TBC1D19: variants seen among roughly 807,000 people sequenced by gnomAD.
TBC1D19 encodes the protein TBC1 domain family, member 19.
A neutral mutation model predicts 89.0 loss-of-function variants in TBC1D19; 60 were observed. That is an observed-to-expected ratio of 0.67 (90% confidence interval 0.55 to 0.84). The LOEUF (loss-of-function observed/expected upper bound fraction) is 0.84. TBC1D19 is among the 40% of genes least tolerant of loss of function. The pLI, the probability that TBC1D19 is intolerant of heterozygous loss-of-function variation, is 0.00. For missense variants in TBC1D19, 500 were observed against 610.8 expected (o/e 0.82, Z 1.91); for synonymous variants, 189 against 199.7 (o/e 0.95, Z 0.45).
intron 9 of TBC1D19, among the ~76,000 whole-genome samples, chr4:26,668,835 G>A (rs1237181132): frequency 6.6e-6 from 1 of 151,768 alleles, no homozygotes; most frequent in Admixed American, 6.6e-5. Context: ...TATTTGAAAT[G>A]CACTTCTTAC....
intron 19 of TBC1D19, among the ~76,000 whole-genome samples, chr4:26,748,857 T>A (rs1718791906): frequency 6.6e-6 from 1 of 152,034 alleles, no homozygotes; most frequent in Admixed American, 6.6e-5. Flanking sequence ...GTAGATATAC[T>A]TCCCTTCTAC....
At chr4:26,593,985 A>G (rs1740012535) in intron 1 of TBC1D19, among the ~76,000 whole-genome samples, 1 of 152,216 alleles carries the variant, frequency 6.6e-6, no homozygotes, top group Non-Finnish European at 1.5e-5. Context: ...CCATCCCATT[A>G]CTGGGTATAT....
chr4:26,583,970 G>A, upstream of TBC1D19: 1 of 562,106 alleles, frequency 1.8e-6, no homozygotes, highest in South Asian at 2.1e-5. Context: ...TCCCCGCCCC[G>A]GTCTTTTTCC....
intron 16 of TBC1D19, among the ~76,000 whole-genome samples, chr4:26,739,079 A>G (rs977760175): frequency 8.5e-5 from 13 of 152,164 alleles, no homozygotes; most frequent in African/African-American, 2.9e-4. Flanking sequence ...ATGCTGCCTA[A>G]AATACTTAAG....
chr4:26,650,098 A>T lies in TBC1D19; in HGVS notation c.481-9499A>T, dbSNP rs543011225. On this transcript the variant is annotated intron_variant, in intron 7 of 20. Coordinates refer to ENST00000264866, the MANE Select transcript of TBC1D19 (RefSeq NM_018317.4). The stretch of plus-strand genomic sequence containing the variant: ...TGGTGTATATGTGCCACATTTTCTT[A>T]ATCCAGACTACCATTGTTGGACATT... 1.5e-3 allele frequency among the ~76,000 whole-genome samples: 222 copies of T among 152,100 alleles called. 1 individual carries two copies. The highest frequency in any genetic ancestry group is 4.4e-3 in the African/African-American group (181 of 41,502).
At chr4:26,852,525 C>G in the TBC1D19 span, among the ~76,000 whole-genome samples, 8 of 152,266 alleles carry the variant, frequency 5.3e-5, 1 homozygote, top group East Asian at 1.5e-3. Flanking sequence ...CCACTGTACT[C>G]CAGCCTGGGT....
the TBC1D19 span, among the ~76,000 whole-genome samples, chr4:26,763,249 CCTGAAAGACTGGTTCAGG>C: frequency 6.6e-6 from 1 of 152,086 alleles, no homozygotes; most frequent in African/African-American, 2.4e-5. Flanking sequence ...TAAAATTTAA[CCTGAAAGACTGGTTCAGG>C]CTATAAAGGG....
chr4:26,849,326 C>A, the TBC1D19 span, among the ~76,000 whole-genome samples: 1 of 152,150 alleles, frequency 6.6e-6, no homozygotes, highest in Non-Finnish European at 1.5e-5. Context: ...CATATTTACT[C>A]TTCTGTAAGA....
downstream of TBC1D19, among the ~76,000 whole-genome samples, chr4:26,758,140 C>T (rs979102240): frequency 3.9e-5 from 6 of 152,090 alleles, no homozygotes; most frequent in African/African-American, 1.2e-4. Context: ...TTAATTATGC[C>T]CTTCTCCTTG....
chr4:26,804,488 C>T, the TBC1D19 span, among the ~76,000 whole-genome samples: 3 of 152,232 alleles, frequency 2.0e-5, no homozygotes, highest in South Asian at 4.1e-4. Flanking sequence ...GTAATGGTGA[C>T]CGTGGGCCTG....
At chr4:26,737,338 A>C (rs559860789) in intron 16 of TBC1D19, among the ~76,000 whole-genome samples, 1 of 152,276 alleles carries the variant, frequency 6.6e-6, no homozygotes, top group Non-Finnish European at 1.5e-5. Context: ...ACCAAAAAAG[A>C]TTAATAATAT....
chr4:26,832,843 A>C, the TBC1D19 span, among the ~76,000 whole-genome samples: 1 of 151,984 alleles, frequency 6.6e-6, no homozygotes, highest in African/African-American at 2.4e-5. Flanking sequence ...AAAATACAAA[A>C]ATTAGCTGGG....
chr4:26,654,120 C>G (rs1197910653), intron 7 of TBC1D19, among the ~76,000 whole-genome samples: 2 of 152,284 alleles, frequency 1.3e-5, no homozygotes, highest in Admixed American at 6.5e-5. Context: ...TTTTATTTCT[C>G]CTTCACTTAC....
intron 1 of TBC1D19, among the ~76,000 whole-genome samples, chr4:26,601,724 C>G (rs1740620664): frequency 6.6e-6 from 1 of 152,186 alleles, no homozygotes; most frequent in African/African-American, 2.4e-5. Flanking sequence ...TAATCTGACA[C>G]AGATGAGCAG....
upstream of TBC1D19, among the ~76,000 whole-genome samples, chr4:26,579,875 C>T (rs958398093): frequency 2.6e-5 from 4 of 152,006 alleles, no homozygotes; most frequent in Admixed American, 2.6e-4. Context: ...GCAGCCATCT[C>T]GAGACTGCGG....
the TBC1D19 span, among the ~76,000 whole-genome samples, chr4:26,794,284 G>A: frequency 1.3e-5 from 2 of 151,630 alleles, no homozygotes; most frequent in Non-Finnish European, 1.5e-5. Context: ...TTAAAAGTAA[G>A]AAAATAAGCC....
chr4:26,657,115 T>C (rs898390827), intron 7 of TBC1D19, among the ~76,000 whole-genome samples: 1 of 151,454 alleles, frequency 6.6e-6, no homozygotes, highest in Non-Finnish European at 1.5e-5. Flanking sequence ...CTTTAAGTTC[T>C]GGGGTACATG....
intron 1 of TBC1D19, among the ~76,000 whole-genome samples, chr4:26,603,123 T>C (rs1331469935): frequency 6.6e-6 from 1 of 152,226 alleles, no homozygotes; most frequent in Non-Finnish European, 1.5e-5. Flanking sequence ...AGCCATTTTA[T>C]GTTGCCAACG....
chr4:26,577,263 T>TA lies in TBC1D19; in HGVS notation c.6+470dup, dbSNP rs1482957138. Among the ~76,000 whole-genome samples the TA allele has an allele frequency of 8.4e-4, 128 of 152,022 alleles. 2 individuals carry two copies. The highest frequency in any genetic ancestry group is 8.2e-3 in the Admixed American group (125 of 15,242). ...TCCCCAGTCACATGAGCCAAATCCT[T>TA]AAAATCTCTCTTCTCTCTCGTGTGT... On this transcript the variant is annotated intron_variant, in intron 1 of 12. Coordinates refer to the TBC1D19 transcript ENST00000512840.
Sources: allele counts gnomAD v4.1 joint callset (sites outside exome capture counted in the v4.1 genomes callset), GRCh38; gene constraint gnomAD v4.1.1; transcripts MANE v1.5; gene names NCBI Gene and HGNC (gene_info 2026-07-23, HGNC 2026-07-21).